The following PDE4B variants were observed in gnomAD, a reference collection of about 807,000 sequenced individuals.
PDE4B encodes the protein phosphodiesterase 4B.
Under a neutral mutation model 82.2 loss-of-function variants are expected in PDE4B, and 20 were observed. That is an observed-to-expected ratio of 0.24 (90% CI 0.17 to 0.35). The LOEUF is 0.35. PDE4B is among the 10% of genes least tolerant of loss of function. The pLI is 1.00. For synonymous variants in PDE4B, 320 were observed against 318.9 expected (o/e 1.00, Z -0.04); for missense variants, 655 against 907.2 (o/e 0.72, Z 3.57).
intron 3 of PDE4B, among the ~76,000 whole-genome samples, chr1:66,092,473 A>C (rs967727883): frequency 2.6e-5 from 4 of 152,056 alleles, no homozygotes; most frequent in African/African-American, 9.7e-5. Flanking sequence ...ATTAGGTACC[A>C]GGTTCTGTGC....
intron 3 of PDE4B, among the ~76,000 whole-genome samples, chr1:66,049,516 G>A (rs1654901127): frequency 6.6e-6 from 1 of 151,938 alleles, no homozygotes; most frequent in African/African-American, 2.4e-5. Flanking sequence ...AAGAGACCTG[G>A]CTATTTCTGG....
At chr1:65,864,014 T>G (rs1487436711) in intron 1 of PDE4B, among the ~76,000 whole-genome samples, 2 of 152,142 alleles carry the variant, frequency 1.3e-5, no homozygotes, top group African/African-American at 2.4e-5. Flanking sequence ...AATATTATTA[T>G]GTGTGAATTT....
chr1:65,899,201 C>T (rs1646944728), intron 1 of PDE4B, among the ~76,000 whole-genome samples: 1 of 151,946 alleles, frequency 6.6e-6, no homozygotes, highest in Non-Finnish European at 1.5e-5. Flanking sequence ...AATTGGCCAA[C>T]AAACATGTGA....
intron 1 of PDE4B, among the ~76,000 whole-genome samples, chr1:65,882,524 G>A (rs1170692591): frequency 1.3e-5 from 2 of 152,074 alleles, no homozygotes; most frequent in Non-Finnish European, 2.9e-5. Context: ...TATGCAAATG[G>A]TTAAGTAATT....
intron 7 of PDE4B, among the ~76,000 whole-genome samples, chr1:66,321,036 C>A (rs987677581): frequency 2.0e-5 from 3 of 152,140 alleles, no homozygotes; most frequent in Admixed American, 1.3e-4. Flanking sequence ...CCATTTAAAC[C>A]ATCCAACTAG....
Position 66,368,951 on chromosome 1 carries a change from T to C in PDE4B, c.1827T>C (p.Ala609=), listed in dbSNP as rs768965173. 1 of 1,606,482 alleles carries C rather than the reference T, an allele frequency of 6.2e-7. No homozygotes were observed. Among genetic ancestry groups the C allele is most frequent in the South Asian group, 1.1e-5 (1 of 89,912 alleles). Residue 609 remains alanine, a synonymous_variant, in exon 16 of 17, where the codon GCT becomes GCC. Transcript: ENST00000341517. The part of the protein sequence containing the change: ...EISPMCDKHT[A]SVEKSQVGFI... ...GCCCAATGTGTGATAAACACACAGC[T>C]TCTGTGGAAAAATCCCAGGTATCTA...
chr1:66,167,689 A>G (rs1646762021), intron 3 of PDE4B, among the ~76,000 whole-genome samples: 1 of 152,228 alleles, frequency 6.6e-6, no homozygotes, highest in South Asian at 2.1e-4. Flanking sequence ...TGGAAGTGAA[A>G]AAGAAAATAG....
intron 3 of PDE4B, among the ~76,000 whole-genome samples, chr1:66,043,718 TA>T (rs984538925): frequency 6.0e-4 from 91 of 151,900 alleles, no homozygotes; most frequent in African/African-American, 2.0e-3. Flanking sequence ...ATCTCCTTTT[TA>T]AAGTGCACAA....
intron 3 of PDE4B, among the ~76,000 whole-genome samples, chr1:66,032,719 G>C (rs1051766438): frequency 6.8e-6 from 1 of 147,264 alleles, no homozygotes; most frequent in Admixed American, 6.9e-5. Context: ...GCAGTGGCGC[G>C]ATCTCAGCTC....
chr1:66,280,813 C>T (rs907865028), intron 7 of PDE4B, among the ~76,000 whole-genome samples: 1 of 152,246 alleles, frequency 6.6e-6, no homozygotes, highest in East Asian at 1.9e-4. Flanking sequence ...AGACATTTGG[C>T]TCCTGCCTCT....
chr1:66,158,763 C>T (rs147731684), intron 3 of PDE4B, among the ~76,000 whole-genome samples: 1 of 152,236 alleles, frequency 6.6e-6, no homozygotes, highest in Non-Finnish European at 1.5e-5. Flanking sequence ...CCAATCATAA[C>T]ACAAAATGAA....
intron 3 of PDE4B, among the ~76,000 whole-genome samples, chr1:65,945,647 G>A (rs543853394): frequency 3.9e-5 from 6 of 152,102 alleles, no homozygotes; most frequent in Non-Finnish European, 5.9e-5. Context: ...AGCCTATGCC[G>A]TTAGGTCCAT....
intron 3 of PDE4B, among the ~76,000 whole-genome samples, chr1:65,984,859 A>G (rs1650873839): frequency 6.6e-6 from 1 of 152,212 alleles, no homozygotes. Context: ...TTGATTTTAC[A>G]TATGTAATAT....
intron 8 of PDE4B, among the ~76,000 whole-genome samples, chr1:66,347,714 T>C (rs1255624252): frequency 6.6e-6 from 1 of 152,140 alleles, no homozygotes; most frequent in African/African-American, 2.4e-5. Flanking sequence ...CTAGCTGAAA[T>C]CAATACAATT....
intron 1 of PDE4B, among the ~76,000 whole-genome samples, chr1:65,894,460 T>A (rs1250529867): frequency 6.6e-6 from 1 of 152,068 alleles, no homozygotes; most frequent in East Asian, 1.9e-4. Context: ...ATCTATGAAA[T>A]GATGGGTTGA....
rs184230070 is a variant in PDE4B at position 66,338,856 on chromosome 1, A to C, written c.747+6236A>C. On this transcript the variant is annotated intron_variant, in intron 8 of 16. Coordinates refer to ENST00000341517, the MANE Select transcript of PDE4B (RefSeq NM_002600.4). Reference sequence around the variant, plus strand: ...AAACGGTGAAACCCCGTCTCTACTAAAAATACAAAAAAATTAGCCGGGCGT... The same window carrying C: ...AAACGGTGAAACCCCGTCTCTACTACAAATACAAAAAAATTAGCCGGGCGT... 8.5e-3 allele frequency among the ~76,000 whole-genome samples: 1,235 copies of C among 145,500 alleles called. 15 individuals carry two copies. Among genetic ancestry groups the C allele is most frequent in the African/African-American group, 0.033 (1,176 of 35,556 alleles).
At chr1:66,234,951 A>G (rs557463467) in intron 3 of PDE4B, among the ~76,000 whole-genome samples, 4 of 152,270 alleles carry the variant, frequency 2.6e-5, no homozygotes, top group Admixed American at 1.3e-4. Flanking sequence ...AAATTTTAAC[A>G]TATAATGTTT....
At chr1:66,163,834 C>T (rs1471095781) in intron 3 of PDE4B, among the ~76,000 whole-genome samples, 1 of 144,496 alleles carries the variant, frequency 6.9e-6, no homozygotes, top group Non-Finnish European at 1.6e-5. Context: ...AAGATCTTCA[C>T]CTGGTACTGG....
intron 1 of PDE4B, among the ~76,000 whole-genome samples, chr1:65,888,486 A>G: frequency 6.6e-6 from 1 of 152,136 alleles, no homozygotes; most frequent in East Asian, 1.9e-4. Context: ...ATGTGAAAAA[A>G]TGGCATTGCT....
Sources: gnomAD v4.1 joint callset for allele counts (sites outside exome capture counted in the v4.1 genomes callset) on GRCh38, gnomAD v4.1.1 for gene constraint, MANE v1.5 for transcripts, NCBI Gene and HGNC (gene_info 2026-07-23, HGNC 2026-07-21) for gene names.